KAT6B: variants seen among roughly 807,000 people sequenced by gnomAD.
KAT6B encodes the protein lysine acetyltransferase 6B, also known as histone acetyltransferase KAT6B.
Under a neutral mutation model 187.5 loss-of-function variants are expected in KAT6B, and 10 were observed. The observed-to-expected ratio is 0.05, with a 90% confidence interval of 0.03 to 0.09. KAT6B has a LOEUF of 0.09. Among genes scored for constraint, KAT6B ranks in the 10% least tolerant of loss-of-function variants. The pLI is 1.00. For missense variants in KAT6B, 1,952 were observed against 2,558.9 expected (o/e 0.76, Z 5.12); for synonymous variants, 861 against 926.8 (o/e 0.93, Z 1.29).
At chr10:74,929,838 G>A (rs1848745771) in intron 3 of KAT6B, among the ~76,000 whole-genome samples, 1 of 151,820 alleles carries the variant, frequency 6.6e-6, no homozygotes, top group African/African-American at 2.4e-5. Context: ...TATTATTTAG[G>A]TCTTAAAATC....
Position 74,904,586 on chromosome 10 carries a change from G to C in KAT6B, c.622-55384G>C, listed in dbSNP as rs115383681. 2.9e-3 allele frequency among the ~76,000 whole-genome samples: 436 copies of C among 152,222 alleles called. 2 individuals are homozygous for C. The highest frequency in any genetic ancestry group is 0.01 in the African/African-American group (419 of 41,534). Reference sequence around the variant, plus strand: ...AATCTTGAGGGCATTGTAAAATTCTGCTCCCACACTTGCTTTCCCCTCAGC... The same window carrying C: ...AATCTTGAGGGCATTGTAAAATTCTCCTCCCACACTTGCTTTCCCCTCAGC... On this transcript the variant is annotated intron_variant, in intron 3 of 17. Coordinates refer to ENST00000287239, the MANE Select transcript of KAT6B (RefSeq NM_012330.4).
At chr10:74,880,148 A>G (rs1844744134) in intron 3 of KAT6B, among the ~76,000 whole-genome samples, 1 of 152,256 alleles carries the variant, frequency 6.6e-6, no homozygotes, top group Non-Finnish European at 1.5e-5. Context: ...GTATGTTCAC[A>G]AAGTCATTCA....
At chr10:74,989,881 A>G (rs1429082510) in intron 13 of KAT6B, among the ~76,000 whole-genome samples, 2 of 152,074 alleles carry the variant, frequency 1.3e-5, no homozygotes, top group Non-Finnish European at 2.9e-5. Flanking sequence ...ACCCATGATA[A>G]TAGTCATTTC....
chr10:74,918,516 C>A (rs1043554644), intron 3 of KAT6B, among the ~76,000 whole-genome samples: 4 of 152,248 alleles, frequency 2.6e-5, no homozygotes, highest in Middle Eastern at 3.4e-3. Flanking sequence ...CCAAGGCAGG[C>A]GGATAACCTA....
At chr10:74,861,695 GT>G (rs1468381903) in intron 3 of KAT6B, among the ~76,000 whole-genome samples, 1 of 152,140 alleles carries the variant, frequency 6.6e-6, no homozygotes, top group Non-Finnish European at 1.5e-5. Flanking sequence ...TAATGAGAAG[GT>G]ATTGAAAATA....
chr10:75,020,783 A>T lies in KAT6B; in HGVS notation c.2831A>T (p.His944Leu). 6.2e-7 allele frequency: 1 copy of T among 1,614,032 alleles called. No homozygotes were observed. Among genetic ancestry groups the T allele is most frequent in the Non-Finnish European group, 8.5e-7 (1 of 1,180,018 alleles). ...CATGACATTGCCACCACTCTGCAGC[A>T]CCTCCACATGATCGACAAGAGAGAT... ...CPHDIATTLQ[H>L]LHMIDKRDGR... The change falls in exon 14 of 18, where the codon CAC becomes CTC. Residue 944 changes from histidine (H) to leucine (L), a missense_variant. Physicochemically the swap from His to Leu is moderately conservative, Grantham distance 99. This residue lies in a region of KAT6B where 758 missense variants were observed against 891.4 expected (regional missense o/e 0.85). Coordinates refer to ENST00000287239, the MANE Select transcript of KAT6B (RefSeq NM_012330.4).
intron 3 of KAT6B, among the ~76,000 whole-genome samples, chr10:74,904,808 C>A (rs1162484268): frequency 6.6e-6 from 1 of 152,058 alleles, no homozygotes; most frequent in Admixed American, 6.6e-5. Flanking sequence ...TTTCTGTGAT[C>A]CTCCCCCCTT....
chr10:74,925,321 C>G (rs948473162), intron 3 of KAT6B, among the ~76,000 whole-genome samples: 1 of 152,152 alleles, frequency 6.6e-6, no homozygotes, highest in African/African-American at 2.4e-5. Flanking sequence ...GGATTACAGG[C>G]GTGAGCCACT....
chr10:74,974,526 C>G (rs186947373), intron 7 of KAT6B, among the ~76,000 whole-genome samples: 1 of 152,292 alleles, frequency 6.6e-6, no homozygotes, highest in East Asian at 1.9e-4. Context: ...TTCGCAAACC[C>G]TAGCCTGAGG....
At chr10:74,944,277 A>G (rs903849422) in intron 3 of KAT6B, among the ~76,000 whole-genome samples, 2 of 152,180 alleles carry the variant, frequency 1.3e-5, no homozygotes, top group African/African-American at 4.8e-5. Context: ...CCATGCTAGG[A>G]AGGATATATC....
chr10:74,980,236 C>G (rs1460673912), intron 10 of KAT6B, among the ~76,000 whole-genome samples: 1 of 152,130 alleles, frequency 6.6e-6, no homozygotes, highest in African/African-American at 2.4e-5. Flanking sequence ...AGCCTGTGAA[C>G]GAATATATCC....
At chr10:74,954,116 G>A (rs748802750) in intron 3 of KAT6B, among the ~76,000 whole-genome samples, 1 of 152,218 alleles carries the variant, frequency 6.6e-6, no homozygotes, top group Non-Finnish European at 1.5e-5. Flanking sequence ...CAAATTGTGT[G>A]AGGTGAAATT....
Position 75,021,132 on chromosome 10 carries a change from C to A in KAT6B, c.2868C>A (p.Val956=). 1.9e-6 allele frequency: 3 copies of A among 1,613,936 alleles called. No homozygotes were observed. Among genetic ancestry groups the A allele is most frequent in the Non-Finnish European group, 2.5e-6 (3 of 1,179,834 alleles). Residue 956 remains valine (V), a synonymous_variant, in exon 15 of 18, where the codon GTC becomes GTA. Coordinates refer to ENST00000287239, the MANE Select transcript of KAT6B (RefSeq NM_012330.4). ...CTGCCTTATCACATTACAGATTTGT[C>A]ATCATTAGACGGGAAAAGTTGATAT... ...HMIDKRDGRF[V]IIRREKLILS...
intron 3 of KAT6B, among the ~76,000 whole-genome samples, chr10:74,934,141 G>C (rs1189080590): frequency 7.4e-6 from 1 of 134,962 alleles, no homozygotes; most frequent in Non-Finnish European, 1.5e-5. Context: ...AGCCGAGATC[G>C]CACCATTGCA....
chr10:74,912,375 G>GATAGATAGATAGATA (rs55816415), intron 3 of KAT6B, among the ~76,000 whole-genome samples: 17 of 145,638 alleles, frequency 1.2e-4, no homozygotes, highest in South Asian at 2.3e-4. Flanking sequence ...ATGGATGGAT[G>GATAGATAGATAGATA]GATAGATAGA....
chr10:75,030,855 G>A lies in KAT6B; in HGVS notation c.6031G>A (p.Gly2011Ser), dbSNP rs1441138503. 1.2e-6 allele frequency: 2 copies of A among 1,614,160 alleles called. No homozygotes were observed. The highest frequency in any genetic ancestry group is 4.5e-5 in the East Asian group (2 of 44,888). The change falls in exon 18 of 18, where the codon GGC becomes AGC. Residue 2011 changes from glycine to serine, a missense_variant. This residue lies in a region of KAT6B where 358 missense variants were observed against 436.3 expected (regional missense o/e 0.82). Coordinates refer to ENST00000287239, the MANE Select transcript of KAT6B (RefSeq NM_012330.4). The surrounding 1 kb of genome is among the most constrained non-coding windows in gnomAD (Gnocchi z 4.8). ...GAACAGTGGCTACCACAGCAATCAT[G>A]GCTATATGAATCAAACGCCCCAATA... ...MMNSGYHSNH[G>S]YMNQTPQYPM...
chr10:74,988,472 A>T (rs551365182), intron 12 of KAT6B, among the ~76,000 whole-genome samples: 1 of 152,270 alleles, frequency 6.6e-6, no homozygotes, highest in Non-Finnish European at 1.5e-5. Context: ...AATGCAGATT[A>T]TTTCTCTAGC....
At chr10:74,918,311 G>A (rs1215425840) in intron 3 of KAT6B, among the ~76,000 whole-genome samples, 1 of 152,208 alleles carries the variant, frequency 6.6e-6, no homozygotes, top group East Asian at 1.9e-4. Context: ...ATATATTCTA[G>A]TGGTCCTAGT....
intron 3 of KAT6B, among the ~76,000 whole-genome samples, chr10:74,899,615 T>C (rs144413631): frequency 1.1e-3 from 168 of 152,256 alleles, no homozygotes; most frequent in African/African-American, 3.8e-3. Flanking sequence ...CACAAATGGT[T>C]CTTGAATAAT....
Sources: gnomAD v4.1 joint callset for allele counts (sites outside exome capture counted in the v4.1 genomes callset) on GRCh38, gnomAD v4.1.1 for gene constraint, gnomAD v4.1.1 regional missense constraint, Gnocchi (gnomAD v3.1) non-coding constraint, MANE v1.5 for transcripts, NCBI Gene and HGNC (gene_info 2026-07-23, HGNC 2026-07-21) for gene names.